PKNOX1: variants seen among roughly 807,000 people sequenced by gnomAD.
PKNOX1 encodes homeobox protein PKNOX1.
Under a neutral mutation model 51.9 loss-of-function variants are expected in PKNOX1, and 15 were observed. The ratio of observed to expected loss-of-function variants is 0.29; its 90% CI spans 0.19 to 0.45. The LOEUF (loss-of-function observed/expected upper bound fraction) is 0.45. Ranked by LOEUF, PKNOX1 falls within the 20% of genes least tolerant of loss-of-function variation. PKNOX1 has a pLI of 1.00. For synonymous variants in PKNOX1, 219 were observed against 211.1 expected, an observed-to-expected ratio of 1.04 and a Z score of -0.32; for missense variants, 462 against 547.5, an observed-to-expected ratio of 0.84 and a Z score of 1.56.
At chr21:43,024,827 T>A in intron 8 of PKNOX1, 44 bp from the exon 9 acceptor site, 1 of 1,265,572 alleles carries the variant, frequency 7.9e-7, no homozygotes, top group Non-Finnish European at 1.2e-6. Context: ...TTGATTTCCT[T>A]TGTAAACTCG....
chr21:42,975,911 A>G (rs139413478), intron 1 of PKNOX1, among the ~76,000 whole-genome samples: 41 of 152,354 alleles, frequency 2.7e-4, no homozygotes, highest in Admixed American at 1.1e-3. Context: ...CATACTGAAA[A>G]ATAGGCTTTC....
chr21:42,977,496 T>G (rs1046620212), intron 1 of PKNOX1, among the ~76,000 whole-genome samples: 4 of 151,710 alleles, frequency 2.6e-5, no homozygotes, highest in African/African-American at 7.3e-5. Flanking sequence ...GGGGACAGCT[T>G]CTTTCCTTAA....
intron 5 of PKNOX1, 75 bp from the exon 6 acceptor site, chr21:43,016,833 T>A: frequency 1.1e-6 from 1 of 893,150 alleles, no homozygotes; most frequent in Non-Finnish European, 1.7e-6. Context: ...GTCATTATGC[T>A]ACTTATGTTA....
chr21:42,994,217 T>G (rs1361325527), intron 1 of PKNOX1, among the ~76,000 whole-genome samples: 1 of 138,340 alleles, frequency 7.2e-6, no homozygotes, highest in Admixed American at 7.7e-5. Context: ...AATTTTTGGA[T>G]TTTTAGTAGA....
intron 1 of PKNOX1, among the ~76,000 whole-genome samples, chr21:42,987,559 A>G (rs2059060849): frequency 6.6e-6 from 1 of 150,432 alleles, no homozygotes; most frequent in Admixed American, 6.6e-5. Context: ...CCACAGGCCT[A>G]TGGGCCAGAT....
intron 3 of PKNOX1, among the ~76,000 whole-genome samples, chr21:43,009,824 T>A (rs1237506128): frequency 6.6e-6 from 1 of 152,130 alleles, no homozygotes; most frequent in Non-Finnish European, 1.5e-5. Context: ...ATGACTGCTA[T>A]TGGATACAGG....
rs1980309614 is a variant in PKNOX1, at chr21:43,032,317, C to T, written c.*2216C>T. On this transcript the variant is annotated 3_prime_UTR_variant, in exon 11 of 11. Transcript: ENST00000291547. Reference sequence around the variant, plus strand: ...AAAGCCAGCCAGCCCTTCCTCCTTCCCTCACCACCCTCCGTCTCTTCGGCT... The same window carrying T: ...AAAGCCAGCCAGCCCTTCCTCCTTCTCTCACCACCCTCCGTCTCTTCGGCT... 1 of 426,120 alleles carries T rather than the reference C, an allele frequency of 2.3e-6. No individual in the cohort carries two copies. The highest frequency in any genetic ancestry group is 1.7e-5 in the South Asian group (1 of 60,338). The allele number at this position is 426,120 out of a possible 1,614,324, so 26.4% of individuals were successfully genotyped here.
intron 1 of PKNOX1, among the ~76,000 whole-genome samples, chr21:42,985,646 A>G (rs577712904): frequency 6.6e-5 from 10 of 152,034 alleles, no homozygotes; most frequent in Admixed American, 6.6e-4. Flanking sequence ...GGGTCTTAAA[A>G]CTTTGATGCG....
intron 1 of PKNOX1, among the ~76,000 whole-genome samples, chr21:42,978,486 C>CTTTT (rs200084508): frequency 5.6e-5 from 7 of 124,876 alleles, no homozygotes; most frequent in African/African-American, 1.2e-4. Flanking sequence ...CTTTTCTTTT[C>CTTTT]TTTTTTTTTT....
At chr21:43,019,096 A>C (rs1979639111) in intron 7 of PKNOX1, among the ~76,000 whole-genome samples, 2 of 151,026 alleles carry the variant, frequency 1.3e-5, no homozygotes, top group East Asian at 2.0e-4. Context: ...AAAAAAAAAA[A>C]AAAACATTGA....
intron 5 of PKNOX1, 54 bp from the exon 6 acceptor site, chr21:43,016,854 C>T: frequency 8.4e-7 from 1 of 1,196,740 alleles, no homozygotes; most frequent in Non-Finnish European, 1.2e-6. Context: ...AAGTTTTAAA[C>T]ATGGGTTTTC....
rs528484910 is a variant in PKNOX1 at position 43,003,597 on chromosome 21, G to A, written c.-56-729G>A. 9.9e-5 allele frequency among the ~76,000 whole-genome samples: 15 copies of A among 152,218 alleles called. No homozygotes were observed. The South Asian group carries it at 2.5e-3, about 25-fold the overall frequency. On this transcript the variant is annotated intron_variant, in intron 1 of 10. Coordinates refer to ENST00000291547, the MANE Select transcript of PKNOX1 (RefSeq NM_004571.5). ...GAGGCCTGCTCTGACCACACGGCCCGGGAAAGCAGCCCAGGCCCCCTCTCA... is the reference window on the plus strand; with the variant it reads ...GAGGCCTGCTCTGACCACACGGCCCAGGAAAGCAGCCCAGGCCCCCTCTCA...
At chr21:43,012,912 C>T (rs566182515) in intron 4 of PKNOX1, among the ~76,000 whole-genome samples, 156 bp from the exon 5 acceptor site, 1 of 152,312 alleles carries the variant, frequency 6.6e-6, no homozygotes, top group East Asian at 1.9e-4. Context: ...GGCACCGGAA[C>T]AACACATCAG....
intron 8 of PKNOX1, among the ~76,000 whole-genome samples, chr21:43,023,569 A>T (rs1308354780): frequency 1.3e-5 from 2 of 151,942 alleles, no homozygotes; most frequent in Non-Finnish European, 2.9e-5. Flanking sequence ...ATTATTTACC[A>T]TAGCTAGAAA....
chr21:42,990,681 G>GTAA (rs2059082573), intron 1 of PKNOX1, among the ~76,000 whole-genome samples: 1 of 152,164 alleles, frequency 6.6e-6, no homozygotes, highest in Admixed American at 6.6e-5. Flanking sequence ...ACAAATTTAT[G>GTAA]TAATATAAGT....
chr21:42,976,963 A>G (rs2059000426), intron 1 of PKNOX1, among the ~76,000 whole-genome samples: 2 of 152,218 alleles, frequency 1.3e-5, no homozygotes, highest in Non-Finnish European at 2.9e-5. Context: ...TACTCCTTGG[A>G]TCCATAGCTG....
At chr21:42,980,023 G>A (rs1253216203) in intron 1 of PKNOX1, among the ~76,000 whole-genome samples, 1 of 152,168 alleles carries the variant, frequency 6.6e-6, no homozygotes, top group African/African-American at 2.4e-5. Context: ...GCATTTTGTT[G>A]GGATTCCTGT....
At chr21:42,986,102 C>T (rs1192829010) in intron 1 of PKNOX1, among the ~76,000 whole-genome samples, 1 of 151,710 alleles carries the variant, frequency 6.6e-6, no homozygotes, top group Non-Finnish European at 1.5e-5. Flanking sequence ...CATATGTGGG[C>T]CTTTGGGTTA....
At chr21:43,013,305 C>T in intron 5 of PKNOX1, 67 bp downstream of exon 5, 2 of 1,169,104 alleles carry the variant, frequency 1.7e-6, no homozygotes, top group Non-Finnish European at 2.4e-6. Context: ...AGTCATGAGA[C>T]CACCAGCTCT....
Sources: allele counts gnomAD v4.1 joint callset (sites outside exome capture counted in the v4.1 genomes callset), GRCh38; gene constraint gnomAD v4.1.1; transcripts MANE v1.5; gene names NCBI Gene and HGNC (gene_info 2026-07-23, HGNC 2026-07-21).